RANBP17: variants seen among roughly 807,000 people sequenced by gnomAD.
RANBP17 encodes the protein RAN binding protein 17, also known as ran-binding protein 17.
A neutral mutation model predicts 141.2 loss-of-function variants in RANBP17; 158 were observed. That is an observed-to-expected ratio of 1.12 (90% CI 0.98 to 1.28). The LOEUF is 1.28. RANBP17 is among the 50% of genes most tolerant of loss of function. The probability of loss-of-function intolerance (pLI) is 0.00; values close to 1 mark genes in which losing one functional copy is unlikely to be tolerated. For missense variants in RANBP17, 1,438 were observed against 1,290.7 expected, an observed-to-expected ratio of 1.11 and a Z score of -1.75; for synonymous variants, 430 against 450.0, an observed-to-expected ratio of 0.96 and a Z score of 0.56.
intron 18 of RANBP17, among the ~76,000 whole-genome samples, chr5:171,184,400 T>TTAAGTTTTA (rs1761090970): frequency 6.6e-6 from 1 of 152,190 alleles, no homozygotes; most frequent in Non-Finnish European, 1.5e-5. Context: ...AAATACTATA[T>TTAAGTTTTA]GATATCACTC....
intron 14 of RANBP17, among the ~76,000 whole-genome samples, chr5:171,048,478 C>CTT (rs57740312): frequency 3.3e-4 from 47 of 142,984 alleles, no homozygotes; most frequent in African/African-American, 1.3e-3. Flanking sequence ...CTACCCTTTT[C>CTT]TTTTTTTTTT....
chr5:171,097,233 T>G (rs899541074), intron 14 of RANBP17, among the ~76,000 whole-genome samples: 12 of 152,226 alleles, frequency 7.9e-5, no homozygotes, highest in Admixed American at 2.0e-4. Context: ...TTATAAAAAT[T>G]TAGAATACCA....
intron 25 of RANBP17, among the ~76,000 whole-genome samples, chr5:171,278,223 A>G (rs1767652743): frequency 6.6e-6 from 1 of 151,938 alleles, no homozygotes; most frequent in African/African-American, 2.4e-5. Flanking sequence ...TGTCTCTACA[A>G]AAAAAATTAA....
intron 22 of RANBP17, among the ~76,000 whole-genome samples, chr5:171,237,490 C>T (rs1020354142): frequency 9.9e-5 from 15 of 152,148 alleles, no homozygotes; most frequent in Non-Finnish European, 2.2e-4. Context: ...GTATTCTTTT[C>T]CCCTGAGCCC....
intron 18 of RANBP17, among the ~76,000 whole-genome samples, chr5:171,185,476 T>C (rs1761172654): frequency 6.6e-6 from 1 of 152,266 alleles, no homozygotes; most frequent in Admixed American, 6.5e-5. Flanking sequence ...CAAACTCTGC[T>C]GCCACTTTAT....
At chr5:171,204,634 G>A (rs1217255601) in intron 19 of RANBP17, among the ~76,000 whole-genome samples, 1 of 152,074 alleles carries the variant, frequency 6.6e-6, no homozygotes, top group Non-Finnish European at 1.5e-5. Flanking sequence ...CGACATTCTA[G>A]CATCTGTTCA....
chr5:171,179,241 A>T (rs1483913121), intron 16 of RANBP17, among the ~76,000 whole-genome samples: 2 of 152,170 alleles, frequency 1.3e-5, no homozygotes, highest in Non-Finnish European at 2.9e-5. Context: ...GTATCATATG[A>T]GGATAACTAA....
intron 14 of RANBP17, among the ~76,000 whole-genome samples, chr5:171,078,882 C>G (rs1219139040): frequency 1.3e-4 from 20 of 152,232 alleles, no homozygotes; most frequent in Admixed American, 1.3e-3. Flanking sequence ...TGTCTGCTAA[C>G]AACATCCATT....
intron 22 of RANBP17, among the ~76,000 whole-genome samples, chr5:171,239,096 C>T (rs939989059): frequency 6.6e-6 from 1 of 152,094 alleles, no homozygotes; most frequent in African/African-American, 2.4e-5. Context: ...CTTTATGCAA[C>T]TATTGTTATC....
chr5:171,175,542 A>G (rs964915645), intron 16 of RANBP17, among the ~76,000 whole-genome samples: 3 of 152,198 alleles, frequency 2.0e-5, no homozygotes, highest in Admixed American at 6.5e-5. Flanking sequence ...TCCATCTGAC[A>G]AGGCTAATAT....
chr5:170,878,739 G>GA (rs1160702966), intron 2 of RANBP17, among the ~76,000 whole-genome samples: 1 of 152,094 alleles, frequency 6.6e-6, no homozygotes, highest in Non-Finnish European at 1.5e-5. Context: ...TTATGTACAT[G>GA]AATTAAAGTA....
intron 14 of RANBP17, among the ~76,000 whole-genome samples, chr5:171,006,830 A>G (rs1779659921): frequency 6.6e-6 from 1 of 151,796 alleles, no homozygotes; most frequent in East Asian, 1.9e-4. Context: ...TAAGCGGGCC[A>G]TGAACTGGGC....
intron 14 of RANBP17, among the ~76,000 whole-genome samples, chr5:171,113,421 G>A (rs1339785539): frequency 6.6e-6 from 1 of 152,030 alleles, no homozygotes; most frequent in Non-Finnish European, 1.5e-5. Flanking sequence ...CTATGTTCCA[G>A]ACATGGAACA....
intron 14 of RANBP17, among the ~76,000 whole-genome samples, chr5:171,078,053 C>T (rs939548327): frequency 6.6e-6 from 1 of 152,032 alleles, no homozygotes; most frequent in Non-Finnish European, 1.5e-5. Flanking sequence ...GGAGAAGTTG[C>T]GGCAGGTTGT....
In RANBP17 at chr5:171,119,446, A is replaced by G. The variant is rs191585104; in HGVS notation, c.1711-50684A>G. On this transcript the variant is annotated intron_variant, in intron 14 of 27. Coordinates refer to ENST00000523189, the MANE Select transcript of RANBP17 (RefSeq NM_022897.5). Reference sequence around the variant, plus strand: ...AATAGCTTGAGAAGACTTGGTATTCATTCTTCCTTAAAGATTTGGTAGAAT... The same window carrying G: ...AATAGCTTGAGAAGACTTGGTATTCGTTCTTCCTTAAAGATTTGGTAGAAT... Among the ~76,000 whole-genome samples the G allele has an allele frequency of 2.0e-3, 306 of 152,320 alleles. 5 individuals carry two copies. The highest frequency in any genetic ancestry group is 0.018 in the Admixed American group (268 of 15,304).
chr5:170,869,656 T>A (rs6897936), intron 1 of RANBP17, among the ~76,000 whole-genome samples: 4,600 of 152,234 alleles, frequency 0.03, 233 homozygotes, highest in African/African-American at 0.1. Flanking sequence ...TTCCCTGCTA[T>A]GTCTCTGCAT....
chr5:171,064,120 G>A (rs746117828), intron 14 of RANBP17, among the ~76,000 whole-genome samples: 2 of 152,232 alleles, frequency 1.3e-5, no homozygotes, highest in Non-Finnish European at 1.5e-5. Context: ...CTTCTGGAGT[G>A]AGGCAATGCC....
chr5:171,093,209 TCC>T (rs749648135), intron 14 of RANBP17, among the ~76,000 whole-genome samples: 6,952 of 73,770 alleles, frequency 0.094, 211 homozygotes, highest in East Asian at 0.31. Context: ...GAACTCAGTC[TCC>T]CCCCAAAAAA....
chr5:171,229,696 A>C (rs938285139), intron 22 of RANBP17, among the ~76,000 whole-genome samples: 7 of 143,416 alleles, frequency 4.9e-5, no homozygotes, highest in African/African-American at 1.8e-4. Context: ...CGCCTGGCTG[A>C]GCATTTGCTG....
Sources: allele counts gnomAD v4.1 joint callset (sites outside exome capture counted in the v4.1 genomes callset), GRCh38; gene constraint gnomAD v4.1.1; transcripts MANE v1.5; gene names NCBI Gene and HGNC (gene_info 2026-07-23, HGNC 2026-07-21).